EPPK1: variants seen among roughly 807,000 people sequenced by gnomAD.
The protein encoded by EPPK1 is epiplakin 1.
For missense variants in EPPK1, 3,823 were observed against 3,673.3 expected (o/e 1.04, Z -1.05); for synonymous variants, 1,862 against 1,721.2 (o/e 1.08, Z -2.03).
chr8:143,874,845 C>T (rs150772181), intron 1 of EPPK1, among the ~76,000 whole-genome samples: 2 of 152,264 alleles, frequency 1.3e-5, no homozygotes, highest in East Asian at 3.9e-4. Context: ...CACAAGGTCT[C>T]AGGAGAAGGG....
rs1819313000 is a variant in EPPK1, at chr8:143,870,656, C to G, written c.2598G>C (p.Lys866Asn). The change falls in exon 2 of 2, where the codon AAG becomes AAC. Residue 866 changes from lysine (K) to asparagine (N), a missense_variant. Physicochemically the swap from Lys to Asn is moderately conservative, Grantham distance 94. Transcript: ENST00000615648. This position sits in a 1 kb window ranked among gnomAD's most constrained non-coding sequence, Gnocchi z 5.2. ...QREVTLGQVA[K>N]LLEAETQRQA... ...GTCTCTGCGTCTCCGCCTCCAGCAG[C>G]TTTGCCACCTGCCCCAGCGTGACCT... 6.2e-7 allele frequency: 1 copy of G among 1,607,338 alleles called. No homozygotes were observed.
In EPPK1 at chr8:143,868,741, C is replaced by T. The variant is rs1554660063; in HGVS notation, c.4513G>A (p.Val1505Ile). The change falls in exon 2 of 2, where the codon GTC (valine) becomes ATC (isoleucine). Residue 1505 changes from valine to isoleucine, a missense_variant. Transcript: ENST00000615648. ...AAALRQVVSA[V>I]TTLVEAAERQ... Reference sequence around the variant, plus strand: ...TCTGCAGCCTCGACCAGGGTGGTGACTGCGCTGACCACCTGCCGCAGGGCC... The same window carrying T: ...TCTGCAGCCTCGACCAGGGTGGTGATTGCGCTGACCACCTGCCGCAGGGCC... 3.2e-6 allele frequency: 5 copies of T among 1,580,296 alleles called. No individual in the cohort carries two copies. Among genetic ancestry groups the T allele is most frequent in the Non-Finnish European group, 4.3e-6 (5 of 1,168,368 alleles).
rs1309981001 is a variant in EPPK1 at position 143,858,007 on chromosome 8, G to A, written c.15247C>T (p.Leu5083Phe). 1.9e-6 allele frequency: 3 copies of A among 1,606,996 alleles called. No homozygotes were observed. The African/African-American group carries it at 4.0e-5, about 22-fold the overall frequency. The change falls in exon 2 of 2, where the codon CTT (leucine) becomes TTT (phenylalanine). Residue 5083 changes from leucine (L) to phenylalanine (F), a missense_variant. Leu to Phe is a conservative substitution (Grantham distance 22). Coordinates refer to ENST00000615648, the MANE Select transcript of EPPK1 (RefSeq NM_031308.4). ...CCCAGTCACTGTAGAGAGAGAGAAA[G>A]AAATAGGAGCCCCGTCTCAGGGTCC... is the stretch of plus-strand genomic sequence containing the variant. ...TLDPETGLLF[L>F]SLSLQ
Position 143,870,554 on chromosome 8 carries a change from C to G in EPPK1, c.2700G>C (p.Gln900His). The change falls in exon 2 of 2, where the codon CAG (glutamine) becomes CAC (histidine). Residue 900 changes from glutamine to histidine, a missense_variant. By Grantham distance (24) the Gln-to-His change is conservative (BLOSUM62 0). Transcript: ENST00000615648. This position sits in a 1 kb window ranked among gnomAD's most constrained non-coding sequence, Gnocchi z 5.2. The part of the protein sequence containing the change: ...HQLLEAGIID[Q>H]QLLDQVLAGT... ...CGGCCAGCACTTGGTCCAACAGCTG[C>G]TGGTCAATGATACCGGCCTCCAGGA... 2 of 1,611,840 alleles carry G rather than the reference C, an allele frequency of 1.2e-6. No homozygotes were observed. Among genetic ancestry groups the G allele is most frequent in the Non-Finnish European group, 1.7e-6 (2 of 1,179,474 alleles).
At position 143,871,045 on chromosome 8, in the gene EPPK1, G is replaced by C; in HGVS notation, c.2209C>G (p.Arg737Gly). The C allele has an allele frequency of 1.9e-6, 3 of 1,613,094 alleles. No individual in the cohort carries two copies. Among genetic ancestry groups the C allele is most frequent in the Non-Finnish European group, 2.5e-6 (3 of 1,179,962 alleles). Residue 737 changes from arginine to glycine, a missense_variant, in exon 2 of 2, where the codon CGC (arginine) becomes GGC (glycine). Transcript: ENST00000615648. The stretch of plus-strand genomic sequence containing the variant: ...CGGTAGGCCACGTCCACGGGCACGC[G>C]GTGGCTGTGCACGGGGTCGATGACG... ...GGVIDPVHSH[R>G]VPVDVAYRRG...
Position 143,872,834 on chromosome 8 carries a change from C to T in EPPK1, c.420G>A (p.Glu140=), listed in dbSNP as rs1191045893. The T allele has an allele frequency of 1.3e-6, 2 of 1,562,270 alleles. No individual in the cohort carries two copies. Among genetic ancestry groups the T allele is most frequent in the East Asian group, 2.3e-5 (1 of 44,288 alleles). ...KLALFQAIGK[E]VVDRALGQSW... The stretch of plus-strand genomic sequence containing the variant: ...TCTGCCCCAGGGCCCTGTCCACAAC[C>T]TCCTTCCCGATGGCCTGAAAGAGGG... Residue 140 remains glutamate, a synonymous_variant, in exon 2 of 2, where the codon GAG becomes GAA. Coordinates refer to ENST00000615648, the MANE Select transcript of EPPK1 (RefSeq NM_031308.4).
In EPPK1 at chr8:143,871,969, G is replaced by T. The variant is rs782795010; in HGVS notation, c.1285C>A (p.Gln429Lys). Residue 429 changes from glutamine to lysine, a missense_variant, in exon 2 of 2, where the codon CAG becomes AAG. Physicochemically the swap from Gln to Lys is moderately conservative, Grantham distance 53. Transcript: ENST00000615648. ...LRCGCLDEDT[Q>K]RQLSQAGSFS... ...CTGCCAGCCTGCGAGAGCTGCCGCT[G>T]AGTGTCTTCATCCAGGCAGCCGCAG... 6.3e-7 allele frequency: 1 copy of T among 1,595,574 alleles called. No homozygotes were observed. Among genetic ancestry groups the T allele is most frequent in the East Asian group, 2.2e-5 (1 of 44,634 alleles).
In EPPK1 at chr8:143,872,546, G is replaced by A. The variant is rs1379570153; in HGVS notation, c.708C>T (p.Arg236=). ...CTGCACTCACCGCCCCGCCCATGGA[G>A]CGGAAGGTGATCTTGAGGGGCAGCA... is the stretch of plus-strand genomic sequence containing the variant. ...LALLPLKITF[R]SMGGAVSAAE... Residue 236 remains arginine, a synonymous_variant, in exon 2 of 2, where the codon CGC becomes CGT. Coordinates refer to ENST00000615648, the MANE Select transcript of EPPK1 (RefSeq NM_031308.4). 3.1e-6 allele frequency: 5 copies of A among 1,605,286 alleles called. No individual in the cohort carries two copies. In the African/African-American group the frequency reaches 4.0e-5, roughly 13 times the overall value.
rs781833965 is a variant in EPPK1, at chr8:143,870,502, G to GCA, written c.2751_2752insTG (p.Leu918CysfsTer34). On this transcript the variant is annotated frameshift_variant, in exon 2 of 2. Transcript: ENST00000615648. LOFTEE classifies it low-confidence loss of function (END_TRUNC). The surrounding 1 kb of genome is among the most constrained non-coding windows in gnomAD (Gnocchi z 5.2). ...AGGTACCTGCGGACGCCGTCCATGA[G>GCA]TAGGAGGGCCTCCGGGCTGATTGTC... The GCA allele has an allele frequency of 1.2e-6, 2 of 1,607,364 alleles. No homozygotes were observed. The highest frequency in any genetic ancestry group is 1.7e-6 in the Non-Finnish European group (2 of 1,176,980).
chr8:143,869,433 C>A lies in EPPK1; in HGVS notation c.3821G>T (p.Gly1274Val). Residue 1274 changes from glycine (G) to valine (V), a missense_variant, in exon 2 of 2, where the codon GGC (glycine) becomes GTC (valine). Transcript: ENST00000615648. Reference protein sequence around the residue: ...QAVRDGLLPTGLGQRLLEAQV... With the variant: ...QAVRDGLLPTVLGQRLLEAQV... ...GGCTTCCAGCAGCCTCTGGCCCAGG[C>A]CTGTGGGCAGGAGGCCATCCCTCAC... 2 of 1,590,216 alleles carry A rather than the reference C, an allele frequency of 1.3e-6. No homozygotes were observed. Among genetic ancestry groups the A allele is most frequent in the Non-Finnish European group, 1.7e-6 (2 of 1,171,690 alleles).
In EPPK1 at chr8:143,870,142, G is replaced by A. The variant is rs781827943; in HGVS notation, c.3112C>T (p.Arg1038Cys). Reference protein sequence around the residue: ...KGLIPWEQAARLLEAQVATGG... With the variant: ...KGLIPWEQAACLLEAQVATGG... ...GTGGCCACTTGAGCCTCCAGGAGGC[G>A]GGCAGCTTGCTCCCAAGGGATGAGA... The change falls in exon 2 of 2, where the codon CGC becomes TGC. Residue 1038 changes from arginine to cysteine, a missense_variant. Arg to Cys is a radical substitution (Grantham distance 180, BLOSUM62 -3). Coordinates refer to ENST00000615648, the MANE Select transcript of EPPK1 (RefSeq NM_031308.4). This position sits in a 1 kb window ranked among gnomAD's most constrained non-coding sequence, Gnocchi z 5.2. 2.5e-5 allele frequency: 40 copies of A among 1,611,510 alleles called. No individual in the cohort carries two copies. Among genetic ancestry groups the A allele is most frequent in the African/African-American group, 8.0e-5 (6 of 74,880 alleles).
In EPPK1 at chr8:143,867,443, G is replaced by C. The variant is rs369357888; in HGVS notation, c.5811C>G (p.Thr1937=). 5 of 1,612,644 alleles carry C rather than the reference G, an allele frequency of 3.1e-6. No homozygotes were observed. The highest frequency in any genetic ancestry group is 4.2e-6 in the Non-Finnish European group (5 of 1,179,846). ...GGGTGCAGGGGTCCAGGAGGAACCC[G>C]GTGGCGGCCTGCGCCTCCAGCAGCC... ...ATWLLEAQAA[T]GFLLDPCTRQ... is the part of the protein sequence containing the mutation. The change falls in exon 2 of 2, where the codon ACC becomes ACG. Residue 1937 remains threonine, a synonymous_variant. Coordinates refer to ENST00000615648, the MANE Select transcript of EPPK1 (RefSeq NM_031308.4).
In EPPK1 at chr8:143,872,658, C is replaced by T. The variant is rs782177282; in HGVS notation, c.596G>A (p.Arg199His). Reference protein sequence around the residue: ...SELEPGTGDLRFLDPNTLERL... With the variant: ...SELEPGTGDLHFLDPNTLERL... Reference sequence around the variant, plus strand: ...CTCCAGCGTGTTGGGGTCGAGGAAGCGCAGGTCACCTGTGCCAGGCTCAAG... The same window carrying T: ...CTCCAGCGTGTTGGGGTCGAGGAAGTGCAGGTCACCTGTGCCAGGCTCAAG... The change falls in exon 2 of 2, where the codon CGC (arginine) becomes CAC (histidine). Residue 199 changes from arginine (R) to histidine (H), a missense_variant. Arg to His is a conservative substitution (Grantham distance 29). Transcript: ENST00000615648. 38 of 1,608,550 alleles carry T rather than the reference C, an allele frequency of 2.4e-5. No individual in the cohort carries two copies. Among genetic ancestry groups the T allele is most frequent in the East Asian group, 1.3e-4 (6 of 44,874 alleles).
chr8:143,857,905 A>AC lies in EPPK1; in HGVS notation c.*81_*82insG, dbSNP rs1818927287. The AC allele has an allele frequency of 1.3e-6, 1 of 769,412 alleles. No homozygotes were observed. Among genetic ancestry groups the AC allele is most frequent in the Admixed American group, 3.7e-5 (1 of 26,674 alleles). The allele number at this position is 769,412 out of a possible 1,614,324, so 47.7% of individuals were successfully genotyped here. On this transcript the variant is annotated 3_prime_UTR_variant, in exon 2 of 2. Transcript: ENST00000615648. Reference sequence around the variant, plus strand: ...CAAAATTAAAGAATGACAAAAAAAAAAAAAAAAAAAAAAACAACCCAGACA... The same window carrying AC: ...CAAAATTAAAGAATGACAAAAAAAAACAAAAAAAAAAAAAACAACCCAGACA...
In EPPK1 at chr8:143,866,676, G is replaced by C; in HGVS notation, c.6578C>G (p.Thr2193Arg). ...TTCCAGGTCCTGGAGCATTTCCTCCGTGATTATGGCTGAGCTGAGGAGTTC... is the reference window on the plus strand; with the variant it reads ...TTCCAGGTCCTGGAGCATTTCCTCCCTGATTATGGCTGAGCTGAGGAGTTC... ...ASELLSSAII[T>R]EEMLQDLETG... The change falls in exon 2 of 2, where the codon ACG becomes AGG. Residue 2193 changes from threonine (T) to arginine (R), a missense_variant. By Grantham distance (71) the Thr-to-Arg change is moderately conservative. Coordinates refer to ENST00000615648, the MANE Select transcript of EPPK1 (RefSeq NM_031308.4). 3 of 1,613,210 alleles carry C rather than the reference G, an allele frequency of 1.9e-6. No homozygotes were observed. Among genetic ancestry groups the C allele is most frequent in the Non-Finnish European group, 2.5e-6 (3 of 1,179,864 alleles).
Position 143,869,457 on chromosome 8 carries a change from A to C in EPPK1, c.3797T>G (p.Val1266Gly). ...SGAKASIAQAVRDGLLPTGLG... is the reference protein window; with the variant it reads ...SGAKASIAQAGRDGLLPTGLG... ...GCCTGTGGGCAGGAGGCCATCCCTC[A>C]CGGCCTGGGCGATGCTGGCCTTGGC... Residue 1266 changes from valine (V) to glycine (G), a missense_variant, in exon 2 of 2, where the codon GTG becomes GGG. Transcript: ENST00000615648. 2 of 1,565,864 alleles carry C rather than the reference A, an allele frequency of 1.3e-6. No individual in the cohort carries two copies. Among genetic ancestry groups the C allele is most frequent in the East Asian group, 2.2e-5 (1 of 44,474 alleles).
chr8:143,876,043 A>G (rs1819471189), intron 1 of EPPK1, among the ~76,000 whole-genome samples: 1 of 152,148 alleles, frequency 6.6e-6, no homozygotes, highest in African/African-American at 2.4e-5. Flanking sequence ...TGGAGTAGGA[A>G]CACTTCTGCC....
Position 143,871,127 on chromosome 8 carries a change from G to C in EPPK1, c.2127C>G (p.Gly709=). 6.2e-7 allele frequency: 1 copy of C among 1,613,232 alleles called. No individual in the cohort carries two copies. Among genetic ancestry groups the C allele is most frequent in the Non-Finnish European group, 8.5e-7 (1 of 1,180,022 alleles). The change falls in exon 2 of 2, where the codon GGC becomes GGG. Residue 709 remains glycine, a synonymous_variant. Transcript: ENST00000615648. ...GGATGCCGTGCTCCCGGACGATGAG[G>C]CCCTTCTGCATGGCCTGGAAGAGGG... ...QISLFQAMQK[G]LIVREHGIRL... is the part of the protein sequence containing the mutation.
Position 143,867,107 on chromosome 8 carries a change from G to A in EPPK1, c.6147C>T (p.His2049=). 20 of 1,613,016 alleles carry A rather than the reference G, an allele frequency of 1.2e-5. No individual in the cohort carries two copies. Among genetic ancestry groups the A allele is most frequent in the Non-Finnish European group, 1.7e-5 (20 of 1,179,862 alleles). Reference sequence around the variant, plus strand: ...TCGGGTCCACAAACCGTTTCCTCATGTGCTTCTGGTCGGAAATGAGCGCAT... The same window carrying A: ...TCGGGTCCACAAACCGTTTCCTCATATGCTTCTGGTCGGAAATGAGCGCAT... ...DIYALISDQK[H]MRKRFVDPNT... The change falls in exon 2 of 2, where the codon CAC becomes CAT. Residue 2049 remains histidine, a synonymous_variant. Transcript: ENST00000615648.
Sources: allele counts gnomAD v4.1 joint callset (sites outside exome capture counted in the v4.1 genomes callset), GRCh38; gene constraint gnomAD v4.1.1; non-coding constraint Gnocchi (gnomAD v3.1); transcripts MANE v1.5; gene names NCBI Gene and HGNC (gene_info 2026-07-23, HGNC 2026-07-21).